Variants in ANK1 observed in about 807,000 individuals in gnomAD.
The protein encoded by ANK1 is ankyrin 1, also known as ankyrin-1.
ANK1 carries 51 observed loss-of-function variants against 210.4 expected under a neutral mutation model. That is an observed-to-expected ratio of 0.24 (90% CI 0.19 to 0.31). The LOEUF is 0.31. ANK1 is among the 10% of genes least tolerant of loss of function. The probability of loss-of-function intolerance (pLI) is 1.00; values close to 1 mark genes in which losing one functional copy is unlikely to be tolerated. For synonymous variants in ANK1, 967 were observed against 1,025.9 expected (o/e 0.94, Z 1.10); for missense variants, 2,051 against 2,504.4 (o/e 0.82, Z 3.86).
Position 41,694,452 on chromosome 8 carries a change from G to A in ANK1, c.3327+140C>T. 1 of 924,836 alleles carries A rather than the reference G, an allele frequency of 1.1e-6. No homozygotes were observed. 57.3% of individuals were successfully genotyped at this position (924,836 alleles called of 1,614,324 possible). On this transcript the variant is annotated intron_variant, in intron 28 of 42. Transcript: ENST00000289734. This position sits in a 1 kb window ranked among gnomAD's most constrained non-coding sequence, Gnocchi z 5.7. ...ACCCCTTCCCACTTAACTCTCCTTT[G>A]AGCTTTAAACTCAGATCTCCACTGT... is the stretch of plus-strand genomic sequence containing the variant.
At chr8:41,885,655 G>T (rs1163433573) in intron 1 of ANK1, among the ~76,000 whole-genome samples, 1 of 152,210 alleles carries the variant, frequency 6.6e-6, no homozygotes, top group Admixed American at 6.5e-5. Context: ...CCTGCCCACT[G>T]GCACTGTGTA....
chr8:41,877,663 G>C (rs1816836792), intron 1 of ANK1, among the ~76,000 whole-genome samples: 1 of 152,264 alleles, frequency 6.6e-6, no homozygotes, highest in Non-Finnish European at 1.5e-5. Flanking sequence ...GACCATTTCA[G>C]ATAGTGAAGA....
At chr8:41,737,329 G>T (rs1378764553) in intron 2 of ANK1, among the ~76,000 whole-genome samples, 1 of 152,108 alleles carries the variant, frequency 6.6e-6, no homozygotes, top group East Asian at 1.9e-4. Context: ...AACCCAAAAC[G>T]ATGTGTTTCT....
intron 1 of ANK1, among the ~76,000 whole-genome samples, chr8:41,812,829 A>G (rs1489752298): frequency 6.6e-6 from 1 of 152,156 alleles, no homozygotes; most frequent in Non-Finnish European, 1.5e-5. Context: ...CACAGCTCAC[A>G]ATGGGGTTAA....
At chr8:41,841,779 A>G (rs1294277026) in intron 1 of ANK1, among the ~76,000 whole-genome samples, 1 of 152,218 alleles carries the variant, frequency 6.6e-6, no homozygotes, top group Non-Finnish European at 1.5e-5. Context: ...CCACACATCA[A>G]GACGGCTGCC....
chr8:41,839,563 C>A (rs572600185), intron 1 of ANK1, among the ~76,000 whole-genome samples: 1 of 152,312 alleles, frequency 6.6e-6, no homozygotes, highest in Non-Finnish European at 1.5e-5. Flanking sequence ...AGGCACATAT[C>A]GGTGGGATAA....
intron 9 of ANK1, among the ~76,000 whole-genome samples, chr8:41,721,230 C>G (rs13267429): frequency 0.11 from 16,442 of 152,124 alleles, 1,109 homozygotes; most frequent in South Asian, 0.18. Context: ...ACCTGCACAG[C>G]AGGAAAATGT....
chr8:41,800,106 C>T (rs1357526686), upstream of ANK1, among the ~76,000 whole-genome samples: 2 of 152,136 alleles, frequency 1.3e-5, no homozygotes, highest in African/African-American at 4.8e-5. Flanking sequence ...AATGCAGGGC[C>T]AGGCTTTTAA....
At chr8:41,657,792 T>G (rs1306081854) in intron 42 of ANK1, among the ~76,000 whole-genome samples, 2 of 152,354 alleles carry the variant, frequency 1.3e-5, no homozygotes, top group East Asian at 3.9e-4. Flanking sequence ...CTAGGCCACC[T>G]CACTCTGCCC....
intron 1 of ANK1, among the ~76,000 whole-genome samples, chr8:41,793,259 A>G (rs531915354): frequency 1.1e-4 from 17 of 152,332 alleles, no homozygotes; most frequent in African/African-American, 4.1e-4. Context: ...ACACACCTGC[A>G]GTCCCAGCTA....
At chr8:41,673,012 G>A in intron 37 of ANK1, 100 bp from the exon 38 acceptor site, 2 of 1,278,722 alleles carry the variant, frequency 1.6e-6, no homozygotes, top group South Asian at 2.6e-5. Flanking sequence ...ACATGCGGGT[G>A]CGGCCACAGA....
At chr8:41,857,857 T>C (rs1039815806) in intron 1 of ANK1, among the ~76,000 whole-genome samples, 8 of 151,480 alleles carry the variant, frequency 5.3e-5, no homozygotes, top group African/African-American at 1.7e-4. Flanking sequence ...TGAGACAAGA[T>C]CATGCCACCG....
chr8:41,748,852 A>G lies in ANK1; in HGVS notation c.129+9184T>C, dbSNP rs142085003. On this transcript the variant is annotated intron_variant, in intron 2 of 42. Coordinates refer to ENST00000289734, the MANE Select transcript of ANK1 (RefSeq NM_000037.4). The stretch of plus-strand genomic sequence containing the variant: ...AGATCAAGACCATCCCAGCTAACAC[A>G]GTGAAATCCCGTCTCTGCTAAAAAT... Among the ~76,000 whole-genome samples the G allele has an allele frequency of 2.1e-3, 317 of 152,278 alleles. 9 individuals are homozygous for G. In the East Asian group the frequency reaches 0.054, roughly 26 times the overall value.
intron 1 of ANK1, among the ~76,000 whole-genome samples, chr8:41,777,226 C>A (rs1175904403): frequency 6.6e-6 from 1 of 152,096 alleles, no homozygotes; most frequent in Non-Finnish European, 1.5e-5. Flanking sequence ...CTTATCTGCA[C>A]AATATTGAAG....
At chr8:41,729,720 TCA>T (rs1276554543) in intron 3 of ANK1, among the ~76,000 whole-genome samples, 3 of 152,220 alleles carry the variant, frequency 2.0e-5, no homozygotes, top group African/African-American at 4.8e-5. Flanking sequence ...AAACAACAAT[TCA>T]CAGACAGGAC....
intron 1 of ANK1, among the ~76,000 whole-genome samples, chr8:41,775,797 G>A (rs1022555665): frequency 6.6e-6 from 1 of 152,124 alleles, no homozygotes; most frequent in Admixed American, 6.5e-5. Context: ...TGAGGTGGGA[G>A]AATCGCTTGA....
At chr8:41,692,966 G>A (rs1819698074) in intron 30 of ANK1, 90 bp from the exon 31 acceptor site, 1 of 1,529,952 alleles carries the variant, frequency 6.5e-7, no homozygotes, top group Admixed American at 1.7e-5. Flanking sequence ...GCCATACCAT[G>A]GCTACTATTG....
chr8:41,683,482 AC>A (rs373689996), intron 37 of ANK1, among the ~76,000 whole-genome samples: 287 of 152,256 alleles, frequency 1.9e-3, no homozygotes, highest in Non-Finnish European at 3.4e-3. Context: ...CAAACTGTGT[AC>A]CCAGTCACAG....
At chr8:41,767,494 C>G (rs1842099796) in intron 1 of ANK1, among the ~76,000 whole-genome samples, 2 of 151,092 alleles carry the variant, frequency 1.3e-5, no homozygotes, top group African/African-American at 2.4e-5. Flanking sequence ...AAAATACAGG[C>G]GCCCTCCACT....
Sources: allele counts gnomAD v4.1 joint callset (sites outside exome capture counted in the v4.1 genomes callset), GRCh38; gene constraint gnomAD v4.1.1; non-coding constraint Gnocchi (gnomAD v3.1); transcripts MANE v1.5; gene names NCBI Gene and HGNC (gene_info 2026-07-23, HGNC 2026-07-21).